KIF21B: variants seen among roughly 807,000 people sequenced by gnomAD.
KIF21B encodes the protein kinesin family member 21B.
In KIF21B, 85 loss-of-function variants were observed where a neutral mutation model predicts 192.9. That is an observed-to-expected ratio of 0.44 (90% CI 0.37 to 0.53). The LOEUF is 0.53. Among genes scored for constraint, KIF21B ranks in the 20% least tolerant of loss-of-function variants. The pLI is 0.00. For missense variants in KIF21B, 1,716 were observed against 2,194.8 expected (o/e 0.78, Z 4.36); for synonymous variants, 832 against 884.6 (o/e 0.94, Z 1.05).
Position 200,979,535 on chromosome 1 carries a change from G to C in KIF21B, c.4160C>G (p.Thr1387Arg). The change falls in exon 30 of 35, where the codon ACG becomes AGG. Residue 1387 changes from threonine to arginine, a missense_variant and splice_region_variant. Thr to Arg is a moderately conservative substitution (Grantham distance 71). Coordinates refer to ENST00000461742, the MANE Select transcript of KIF21B (RefSeq NM_001252102.2). ...TGTGAGGCAGGCGGGGGTTACTCAC[G>C]TGAGAGTCCGAATGCACTTGGCTGA... The part of the protein sequence containing the change: ...RDSAKCIRTL[T>R]SSGQVISGDA... 6.5e-7 allele frequency: 1 copy of C among 1,539,732 alleles called. No individual in the cohort carries two copies. Among genetic ancestry groups the C allele is most frequent in the Non-Finnish European group, 8.8e-7 (1 of 1,141,426 alleles).
chr1:200,990,950 G>C lies in KIF21B; in HGVS notation c.2654C>G (p.Pro885Arg). Residue 885 changes from proline (P) to arginine (R), a missense_variant, in exon 18 of 35, where the codon CCT becomes CGT. Transcript: ENST00000461742. This position sits in a 1 kb window ranked among gnomAD's most constrained non-coding sequence, Gnocchi z 5.4. ...ACGGGTGCCATTGACAGTGGGCGCA[G>C]GATGGTCCCCCAAGAAGTGGTTGAT... ...RKINHFLGDHPAPTVNGTRPA... is the reference protein window; with the variant it reads ...RKINHFLGDHRAPTVNGTRPA... 6.2e-7 allele frequency: 1 copy of C among 1,614,182 alleles called. No individual in the cohort carries two copies. The highest frequency in any genetic ancestry group is 8.5e-7 in the Non-Finnish European group (1 of 1,180,058).
At position 201,005,542 on chromosome 1, in the gene KIF21B, C is replaced by T. The variant is rs111358777; in HGVS notation, c.597+3G>A. On this transcript the variant is annotated splice_donor_region_variant and intron_variant, in intron 4 of 34. Coordinates refer to ENST00000461742, the MANE Select transcript of KIF21B (RefSeq NM_001252102.2). ...CTGCTCCAGACCTCCAGCAGAGGCT[C>T]ACCTCCTCCTGGGAGTGGATGAGGC... 3,418 of 1,611,404 alleles carry T rather than the reference C, an allele frequency of 2.1e-3. 83 individuals are homozygous for T. The African/African-American group carries it at 0.041, about 19-fold the overall frequency.
In KIF21B at chr1:200,992,344, G is replaced by C. The variant is rs1216482497; in HGVS notation, c.2323C>G (p.Leu775Val). 1 of 1,612,838 alleles carries C rather than the reference G, an allele frequency of 6.2e-7. No individual in the cohort carries two copies. The highest frequency in any genetic ancestry group is 2.2e-5 in the East Asian group (1 of 44,902). The change falls in exon 16 of 35, where the codon CTA becomes GTA. Residue 775 changes from leucine to valine, a missense_variant. This residue lies in a region of KIF21B where 1,087 missense variants were observed against 1,316.6 expected (regional missense o/e 0.83). Transcript: ENST00000461742. ...QMREEQQRRRLVETKRNREIA... is the reference protein window; with the variant it reads ...QMREEQQRRRVVETKRNREIA... ...TCCCGGTTCCTCTTGGTCTCCACTA[G>C]CCGCCGCCGCTGTTGCTCCTCACGC... is the stretch of plus-strand genomic sequence containing the variant.
At chr1:200,988,978 G>A (rs745447302) in intron 21 of KIF21B, 47 bp from the exon 22 acceptor site, 2 of 1,553,172 alleles carry the variant, frequency 1.3e-6, no homozygotes, top group East Asian at 2.3e-5. Context: ...TGGGGGTTGG[G>A]AGTCACCCAT....
intron 7 of KIF21B, 67 bp downstream of exon 7, chr1:201,004,273 A>G (rs1657672088): frequency 7.6e-7 from 1 of 1,319,232 alleles, no homozygotes; most frequent in Non-Finnish European, 1.1e-6. Context: ...CCATACCCAC[A>G]CAGCACTATT....
chr1:200,986,642 G>C (rs1656323158), intron 26 of KIF21B, among the ~76,000 whole-genome samples: 1 of 152,212 alleles, frequency 6.6e-6, no homozygotes, highest in African/African-American at 2.4e-5. Context: ...ACAGGTGTGA[G>C]CCATCACGCC....
chr1:201,018,442 C>T (rs1658639804), intron 1 of KIF21B, among the ~76,000 whole-genome samples: 1 of 152,240 alleles, frequency 6.6e-6, no homozygotes, highest in Non-Finnish European at 1.5e-5. Flanking sequence ...TCTGGACAGC[C>T]TCAGCCCTGC....
chr1:200,996,588 C>T (rs1434163690), intron 14 of KIF21B, among the ~76,000 whole-genome samples, 193 bp from the exon 15 acceptor site: 1 of 152,188 alleles, frequency 6.6e-6, no homozygotes, highest in African/African-American at 2.4e-5. Flanking sequence ...AAGGCCCCTT[C>T]CTGCTCTGAC....
At chr1:201,008,093 A>G (rs1262479106) in intron 3 of KIF21B, among the ~76,000 whole-genome samples, 2 of 152,210 alleles carry the variant, frequency 1.3e-5, no homozygotes, top group Non-Finnish European at 2.9e-5. Flanking sequence ...CAACCTGGAC[A>G]CAATCAGAGC....
At chr1:200,997,600 G>A (rs907801218) in intron 14 of KIF21B, among the ~76,000 whole-genome samples, 5 of 152,112 alleles carry the variant, frequency 3.3e-5, no homozygotes, top group African/African-American at 9.7e-5. Context: ...AAAATTAGCC[G>A]GGCGTGGTGG....
Position 200,998,600 on chromosome 1 carries a change from C to T in KIF21B, c.1886-25G>A, listed in dbSNP as rs761942443. 3 of 1,607,312 alleles carry T rather than the reference C, an allele frequency of 1.9e-6. No homozygotes were observed. The highest frequency in any genetic ancestry group is 1.7e-5 in the Admixed American group (1 of 59,910). Reference sequence around the variant, plus strand: ...TCTATGGGGGCACAATCAGGCTCAGCCCAGCGTTAGGGCGAGGGGCAAATT... The same window carrying T: ...TCTATGGGGGCACAATCAGGCTCAGTCCAGCGTTAGGGCGAGGGGCAAATT... On this transcript the variant is annotated intron_variant, in intron 13 of 34. Coordinates refer to ENST00000461742, the MANE Select transcript of KIF21B (RefSeq NM_001252102.2). The surrounding 1 kb of genome is among the most constrained non-coding windows in gnomAD (Gnocchi z 4.3).
intron 14 of KIF21B, among the ~76,000 whole-genome samples, chr1:200,996,793 G>A (rs936058372): frequency 6.6e-6 from 1 of 152,182 alleles, no homozygotes; most frequent in African/African-American, 2.4e-5. Context: ...GGCCAGGGCA[G>A]AAGGAATAAG....
chr1:200,980,996 C>G lies in KIF21B; in HGVS notation c.3943G>C (p.Asp1315His), dbSNP rs1655874228. 1 of 1,611,380 alleles carries G rather than the reference C, an allele frequency of 6.2e-7. No homozygotes were observed. Among genetic ancestry groups the G allele is most frequent in the East Asian group, 2.2e-5 (1 of 44,606 alleles). ...EGHTKPILCL[D>H]ATDELLFTGS... ...GTGAATAGCAACTCATCTGTGGCAT[C>G]CAGGCAGAGGATGGGCTTGGTGTGG... is the stretch of plus-strand genomic sequence containing the variant. Residue 1315 changes from aspartate to histidine, a missense_variant, in exon 29 of 35, where the codon GAT becomes CAT. Physicochemically the swap from Asp to His is moderately conservative, Grantham distance 81. Coordinates refer to ENST00000461742, the MANE Select transcript of KIF21B (RefSeq NM_001252102.2).
At position 201,005,668 on chromosome 1, in the gene KIF21B, C is replaced by T; in HGVS notation, c.474G>A (p.Leu158=). Residue 158 remains leucine, a synonymous_variant, in exon 4 of 35, where the codon CTG becomes CTA. Transcript: ENST00000461742. The stretch of plus-strand genomic sequence containing the variant: ...TGTCAGGGTCACGGGTGCTGTCAAA[C>T]AGGTCAAGGATCTCCTCGTTGTAGA... ...LELYNEEILD[L]FDSTRDPDTR... 1.9e-6 allele frequency: 3 copies of T among 1,614,140 alleles called. No homozygotes were observed. The highest frequency in any genetic ancestry group is 2.5e-6 in the Non-Finnish European group (3 of 1,180,030).
Position 200,998,540 on chromosome 1 carries a change from A to G in KIF21B, c.1921T>C (p.Cys641Arg). 2 of 1,613,596 alleles carry G rather than the reference A, an allele frequency of 1.2e-6. No homozygotes were observed. Among genetic ancestry groups the G allele is most frequent in the Non-Finnish European group, 1.7e-6 (2 of 1,179,936 alleles). ...NFQADLADLT[C>R]EIEIKQKLID... ...AGCTTCTGCTTGATTTCGATCTCAC[A>G]AGTCAGGTCGGCCAGGTCCGCCTGG... The change falls in exon 14 of 35, where the codon TGT becomes CGT. Residue 641 changes from cysteine to arginine, a missense_variant. Physicochemically the swap from Cys to Arg is radical, Grantham distance 180. Around this residue, in one of 3 missense-constraint regions of KIF21B, gnomAD observed 1,087 missense variants for 1,316.6 expected, o/e 0.83. Coordinates refer to ENST00000461742, the MANE Select transcript of KIF21B (RefSeq NM_001252102.2). This position sits in a 1 kb window ranked among gnomAD's most constrained non-coding sequence, Gnocchi z 4.3.
Position 201,000,515 on chromosome 1 carries a change from A to G in KIF21B, c.1560T>C (p.Ser520=), listed in dbSNP as rs1044777183. 1.9e-6 allele frequency: 3 copies of G among 1,611,194 alleles called. No homozygotes were observed. Among genetic ancestry groups the G allele is most frequent in the Non-Finnish European group, 2.5e-6 (3 of 1,178,248 alleles). The change falls in exon 11 of 35, where the codon TCT becomes TCC. Residue 520 remains serine (S), a synonymous_variant. Transcript: ENST00000461742. The surrounding 1 kb of genome is among the most constrained non-coding windows in gnomAD (Gnocchi z 6.0). ...SARSPYSLGA[S]PAAPAFGGSP... is the part of the protein sequence containing the mutation. ...TGCCCCCGAAGGCCGGGGCGGCTGG[A>G]GAAGCACCCAGGGAGTAGGGGCTCC...
chr1:200,981,514 C>T lies in KIF21B; in HGVS notation c.3843-418G>A, dbSNP rs577852035. Among the ~76,000 whole-genome samples the T allele has an allele frequency of 8.7e-4, 133 of 152,308 alleles. 1 individual carries two copies. Among genetic ancestry groups the T allele is most frequent in the African/African-American group, 3.2e-3 (132 of 41,566 alleles). On this transcript the variant is annotated intron_variant, in intron 28 of 34. Transcript: ENST00000461742. The stretch of plus-strand genomic sequence containing the variant: ...GCCCTGTAGCTTCCACCAGAAGCTG[C>T]ATGCTGCTTCAGTTAACCGAGTGTG...
At chr1:201,006,793 G>T (rs796535311) in intron 3 of KIF21B, among the ~76,000 whole-genome samples, 2 of 151,696 alleles carry the variant, frequency 1.3e-5, no homozygotes, top group African/African-American at 4.8e-5. Flanking sequence ...CACGAACACA[G>T]ACACACACAC....
In KIF21B at chr1:201,003,585, C is replaced by T; in HGVS notation, c.1212+1G>A. Reference sequence around the variant, plus strand: ...TGGGCAATGCCCAGGAGCATGCTCACCGCCTTATACTCCATCAGCTCCATC... The same window carrying T: ...TGGGCAATGCCCAGGAGCATGCTCATCGCCTTATACTCCATCAGCTCCATC... On this transcript the variant is annotated splice_donor_variant, in intron 8 of 34. Coordinates refer to ENST00000461742, the MANE Select transcript of KIF21B (RefSeq NM_001252102.2). LOFTEE classifies it high-confidence loss of function. The T allele has an allele frequency of 6.2e-7, 1 of 1,613,360 alleles. No homozygotes were observed. The highest frequency in any genetic ancestry group is 8.5e-7 in the Non-Finnish European group (1 of 1,179,964).
Sources: allele counts gnomAD v4.1 joint callset (sites outside exome capture counted in the v4.1 genomes callset), GRCh38; gene constraint gnomAD v4.1.1; regional missense constraint gnomAD v4.1.1; non-coding constraint Gnocchi (gnomAD v3.1); transcripts MANE v1.5; gene names NCBI Gene and HGNC (gene_info 2026-07-23, HGNC 2026-07-21).